Variants in THEM4 observed in about 807,000 individuals in gnomAD.
The protein encoded by THEM4 is acyl-coenzyme A thioesterase THEM4.
A neutral mutation model predicts 25.0 loss-of-function variants in THEM4; 22 were observed. The ratio of observed to expected loss-of-function variants is 0.88; its 90% confidence interval spans 0.63 to 1.26. The LOEUF is 1.26. THEM4 is among the 50% of genes most tolerant of loss of function. The probability of loss-of-function intolerance (pLI) is 0.00; values close to 1 mark genes in which losing one functional copy is unlikely to be tolerated. For missense variants in THEM4, 286 were observed against 300.3 expected, an observed-to-expected ratio of 0.95 and a Z score of 0.35; for synonymous variants, 113 against 105.6, an observed-to-expected ratio of 1.07 and a Z score of -0.43.
At chr1:151,891,682 C>T (rs1654095620) in intron 2 of THEM4, among the ~76,000 whole-genome samples, 1 of 152,140 alleles carries the variant, frequency 6.6e-6, no homozygotes, top group Non-Finnish European at 1.5e-5. Flanking sequence ...AGGCTGTGTA[C>T]TGTCTGAAGA....
intron 2 of THEM4, among the ~76,000 whole-genome samples, chr1:151,892,458 A>G (rs1300940767): frequency 6.6e-6 from 1 of 152,178 alleles, no homozygotes; most frequent in East Asian, 1.9e-4. Flanking sequence ...TGGGATAAGG[A>G]CAGTCAGTTG....
chr1:151,906,647 G>C (rs1470750442), intron 1 of THEM4, among the ~76,000 whole-genome samples: 1 of 152,222 alleles, frequency 6.6e-6, no homozygotes, highest in East Asian at 1.9e-4. Context: ...CTAAAGGACT[G>C]TAAATACACC....
chr1:151,890,154 C>T (rs1304384110), intron 2 of THEM4: 5 of 453,662 alleles, frequency 1.1e-5, no homozygotes, highest in Non-Finnish European at 2.2e-5. Context: ...ATCCGCCTGC[C>T]TTGGCCTCCC....
intron 4 of THEM4, among the ~76,000 whole-genome samples, chr1:151,882,674 T>C (rs1250281114): frequency 2.6e-5 from 4 of 152,146 alleles, no homozygotes; most frequent in African/African-American, 4.8e-5. Flanking sequence ...ATGGGATATA[T>C]CTCAACACCG....
At chr1:151,899,035 G>A (rs147080354) in intron 1 of THEM4, among the ~76,000 whole-genome samples, 5 of 152,228 alleles carry the variant, frequency 3.3e-5, no homozygotes, top group East Asian at 1.9e-4. Flanking sequence ...AAGGCTTGTC[G>A]ACACCCCCCA....
Position 151,909,328 on chromosome 1 carries a change from C to T in THEM4, c.99+32G>A, listed in dbSNP as rs1408404261. On this transcript the variant is annotated intron_variant, in intron 1 of 5. Transcript: ENST00000368814. ...CGCAGGCGTGTTTCTGAGTCCTGCT[C>T]CCGCCCCATGCCCGAGGGTGCCCAG... is the stretch of plus-strand genomic sequence containing the variant. The T allele has an allele frequency of 3.3e-6, 5 of 1,503,030 alleles. No individual in the cohort carries two copies. In the South Asian group the frequency reaches 3.6e-5, roughly 11 times the overall value. 93.1% of individuals were successfully genotyped at this position (1,503,030 alleles called of 1,614,324 possible). A position where few individuals can be genotyped will look rare whatever the true frequency, so the allele number is the denominator to read the frequency against.
intron 1 of THEM4, among the ~76,000 whole-genome samples, chr1:151,898,114 C>T (rs1251105966): frequency 6.6e-6 from 1 of 152,066 alleles, no homozygotes; most frequent in Non-Finnish European, 1.5e-5. Flanking sequence ...AGGGCATGAA[C>T]CCGGCTTGCA....
In THEM4 at chr1:151,909,216, TG is replaced by T. The variant is rs1654542703; in HGVS notation, c.99+143del. On this transcript the variant is annotated intron_variant, in intron 1 of 5. Transcript: ENST00000368814. ...CAGGACTGTATTCCTAGGCCCCTGTTGCTTATGCTGCCCTGTGGTGCCCAGG... is the reference window on the plus strand; with the variant it reads ...CAGGACTGTATTCCTAGGCCCCTGTTCTTATGCTGCCCTGTGGTGCCCAGG... The T allele has an allele frequency of 4.9e-6, 3 of 609,706 alleles. No homozygotes were observed. In the Admixed American group the frequency reaches 1.1e-4, roughly 22 times the overall value. 37.8% of individuals were successfully genotyped at this position (609,706 alleles called of 1,614,324 possible).
chr1:151,905,406 C>CTT (rs779252296), intron 1 of THEM4, among the ~76,000 whole-genome samples: 2 of 147,636 alleles, frequency 1.4e-5, no homozygotes, highest in East Asian at 3.9e-4. Context: ...GAAGAAAGTC[C>CTT]TTTTTTTTTT....
intron 3 of THEM4, 21 bp downstream of exon 3, chr1:151,889,193 C>A: frequency 6.2e-7 from 1 of 1,610,002 alleles, no homozygotes. Flanking sequence ...TAGATCCACA[C>A]TTTCAGGCTA....
At chr1:151,885,121 T>C (rs1421328613) in intron 4 of THEM4, among the ~76,000 whole-genome samples, 1 of 80,948 alleles carries the variant, frequency 1.2e-5, no homozygotes, top group African/African-American at 4.9e-5. Flanking sequence ...ATTTATTTAT[T>C]TATTTATTTA....
intron 5 of THEM4, among the ~76,000 whole-genome samples, chr1:151,875,468 C>G (rs577857844): frequency 2.0e-5 from 3 of 151,942 alleles, no homozygotes; most frequent in East Asian, 1.9e-4. Context: ...AAAGAAGATA[C>G]CTTAAAGCAA....
intron 4 of THEM4, among the ~76,000 whole-genome samples, chr1:151,886,256 C>A (rs1653968784): frequency 6.6e-6 from 1 of 152,164 alleles, no homozygotes; most frequent in Non-Finnish European, 1.5e-5. Context: ...AACAGCAATG[C>A]AACTGATTTT....
At position 151,903,998 on chromosome 1, in the gene THEM4, C is replaced by T. The variant is rs76538762; in HGVS notation, c.99+5362G>A. 2.5e-3 allele frequency among the ~76,000 whole-genome samples: 373 copies of T among 152,232 alleles called. 1 individual carries two copies. The highest frequency in any genetic ancestry group is 8.5e-3 in the African/African-American group (354 of 41,518). On this transcript the variant is annotated intron_variant, in intron 1 of 5. Coordinates refer to ENST00000368814, the MANE Select transcript of THEM4 (RefSeq NM_053055.5). ...AGACCCTGCCTTCAAGTGTTAGCAG[C>T]CTTGGATGTGAAAAATACTACAAGA... is the stretch of plus-strand genomic sequence containing the variant.
At chr1:151,878,584 T>C (rs1404651582) in intron 4 of THEM4, among the ~76,000 whole-genome samples, 1 of 152,224 alleles carries the variant, frequency 6.6e-6, no homozygotes, top group Non-Finnish European at 1.5e-5. Flanking sequence ...ATTCCCTTTT[T>C]TGCTTAAGCT....
At chr1:151,891,660 G>A (rs1654095273) in intron 2 of THEM4, among the ~76,000 whole-genome samples, 1 of 152,196 alleles carries the variant, frequency 6.6e-6, no homozygotes, top group South Asian at 2.1e-4. Context: ...ATGTTTAAAT[G>A]TATGCATTTG....
chr1:151,904,709 G>C (rs1441318911), intron 1 of THEM4, among the ~76,000 whole-genome samples: 1 of 152,182 alleles, frequency 6.6e-6, no homozygotes, highest in Non-Finnish European at 1.5e-5. Context: ...AAAGTTTTAA[G>C]ATATTTAGGA....
At chr1:151,880,414 G>A (rs1653786248) in intron 4 of THEM4, among the ~76,000 whole-genome samples, 3 of 151,902 alleles carry the variant, frequency 2.0e-5, no homozygotes, top group Non-Finnish European at 4.4e-5. Flanking sequence ...GCAGGCGGAG[G>A]TTGCCATAAG....
At chr1:151,880,776 G>A (rs879114343) in intron 4 of THEM4, among the ~76,000 whole-genome samples, 1 of 151,990 alleles carries the variant, frequency 6.6e-6, no homozygotes, top group Non-Finnish European at 1.5e-5. Flanking sequence ...TCAAAAATAT[G>A]TCTCATATAG....
Sources: gnomAD v4.1 joint callset for allele counts (sites outside exome capture counted in the v4.1 genomes callset) on GRCh38, gnomAD v4.1.1 for gene constraint, MANE v1.5 for transcripts, NCBI Gene and HGNC (gene_info 2026-07-23, HGNC 2026-07-21) for gene names.